The following PCSK5 variants were observed in gnomAD, a reference collection of about 807,000 sequenced individuals.
PCSK5 encodes the protein prohormone convertase 5.
PCSK5 carries 129 observed loss-of-function variants against 233.2 expected under a neutral mutation model. That is an observed-to-expected ratio of 0.55 (90% confidence interval 0.48 to 0.64). The LOEUF (loss-of-function observed/expected upper bound fraction) is 0.64, where lower values mean the gene tolerates loss of function less well. Among genes scored for constraint, PCSK5 ranks in the 30% least tolerant of loss-of-function variants. PCSK5 has a pLI of 0.00. For synonymous variants in PCSK5, 825 were observed against 879.2 expected (o/e 0.94, Z 1.09); for missense variants, 2,076 against 2,430.1 (o/e 0.85, Z 3.06).
intron 34 of PCSK5, among the ~76,000 whole-genome samples, chr9:76,335,426 T>C (rs992012345): frequency 2.6e-5 from 4 of 152,196 alleles, no homozygotes; most frequent in Admixed American, 6.5e-5. Context: ...GGCATAACCC[T>C]TGTATGTTAA....
intron 3 of PCSK5, among the ~76,000 whole-genome samples, chr9:75,997,873 G>A (rs1827089022): frequency 6.6e-6 from 1 of 152,278 alleles, no homozygotes. Flanking sequence ...AATCTTAAAC[G>A]ACTATTTGGA....
intron 24 of PCSK5, among the ~76,000 whole-genome samples, chr9:76,282,278 T>C (rs1827900892): frequency 6.7e-6 from 1 of 149,204 alleles, no homozygotes; most frequent in South Asian, 2.1e-4. Context: ...CCACTGTGCC[T>C]GGCCAATTTT....
Position 76,002,969 on chromosome 9 carries a change from G to A in PCSK5, c.411+16724G>A, listed in dbSNP as rs376237511. On this transcript the variant is annotated intron_variant, in intron 3 of 37. Coordinates refer to ENST00000674117, the MANE Select transcript of PCSK5 (RefSeq NM_001372043.1). Reference sequence around the variant, plus strand: ...CCTTGGTATGCCGAGAAAAATTCTCGTGGGTACACACTTTGCTTTCCATCT... The same window carrying A: ...CCTTGGTATGCCGAGAAAAATTCTCATGGGTACACACTTTGCTTTCCATCT... Among the ~76,000 whole-genome samples the A allele has an allele frequency of 2.2e-4, 33 of 152,306 alleles. No homozygotes were observed. In the South Asian group the frequency reaches 5.0e-3, roughly 23 times the overall value.
At position 76,024,661 on chromosome 9, in the gene PCSK5, A is replaced by G. The variant is rs1309115628; in HGVS notation, c.555+780A>G. Among the ~76,000 whole-genome samples the G allele has an allele frequency of 4.6e-5, 7 of 152,330 alleles. No homozygotes were observed. The South Asian group carries it at 1.2e-3, about 27-fold the overall frequency. ...ATGTATTTGACTAAATACAAATAGC[A>G]TTCATGTAATTGTGAGTGCCGTCTT... On this transcript the variant is annotated intron_variant, in intron 4 of 37. Transcript: ENST00000674117.
chr9:76,049,471 G>A (rs899786526), intron 5 of PCSK5, among the ~76,000 whole-genome samples: 2 of 152,198 alleles, frequency 1.3e-5, no homozygotes, highest in African/African-American at 4.8e-5. Flanking sequence ...AGAAGGGCCC[G>A]CAGTTGCGTG....
intron 2 of PCSK5, among the ~76,000 whole-genome samples, chr9:75,934,018 C>T (rs906771121): frequency 6.6e-6 from 1 of 152,148 alleles, no homozygotes; most frequent in African/African-American, 2.4e-5. Context: ...GAACATGGAG[C>T]TATTTCGATC....
intron 24 of PCSK5, among the ~76,000 whole-genome samples, chr9:76,258,996 G>A (rs940831929): frequency 2.0e-5 from 3 of 152,172 alleles, no homozygotes; most frequent in Non-Finnish European, 2.9e-5. Flanking sequence ...ACCCTAGCAA[G>A]CAACCAGGGA....
At chr9:75,931,546 C>T (rs1343511621) in intron 1 of PCSK5, among the ~76,000 whole-genome samples, 1 of 152,154 alleles carries the variant, frequency 6.6e-6, no homozygotes. Flanking sequence ...CTTCTGTCTT[C>T]AATGCATAGT....
chr9:75,982,749 CT>C (rs528976970), intron 2 of PCSK5, among the ~76,000 whole-genome samples: 253 of 100,748 alleles, frequency 2.5e-3, no homozygotes, highest in South Asian at 6.7e-3. Flanking sequence ...CCCTGTGGTG[CT>C]TTTTTTTTTT....
At chr9:76,035,482 G>A (rs1468501173) in intron 5 of PCSK5, among the ~76,000 whole-genome samples, 1 of 151,998 alleles carries the variant, frequency 6.6e-6, no homozygotes, top group Non-Finnish European at 1.5e-5. Context: ...CTGGATTTGG[G>A]GACTTCAGTT....
chr9:75,893,152 A>G (rs1191190944), intron 1 of PCSK5, among the ~76,000 whole-genome samples: 1 of 152,162 alleles, frequency 6.6e-6, no homozygotes, highest in Non-Finnish European at 1.5e-5. Flanking sequence ...GGGTTCTGCT[A>G]ACATTGAACA....
intron 7 of PCSK5, among the ~76,000 whole-genome samples, chr9:76,076,212 T>C (rs144391294): frequency 6.6e-6 from 1 of 151,904 alleles, no homozygotes; most frequent in African/African-American, 2.4e-5. Flanking sequence ...ACAATACTAA[T>C]GTAGGTGCTG....
intron 10 of PCSK5, among the ~76,000 whole-genome samples, chr9:76,135,917 C>T (rs1048870781): frequency 3.3e-5 from 5 of 152,032 alleles, no homozygotes; most frequent in Non-Finnish European, 7.4e-5. Flanking sequence ...TGCAGCTCTT[C>T]TGAAAACCTC....
chr9:76,153,015 A>G (rs1823737106), intron 10 of PCSK5, among the ~76,000 whole-genome samples: 1 of 152,178 alleles, frequency 6.6e-6, no homozygotes, highest in African/African-American at 2.4e-5. Context: ...GATAGCTTTG[A>G]ATAAAAACTA....
chr9:76,147,037 C>A (rs1226368025), intron 10 of PCSK5, among the ~76,000 whole-genome samples: 1 of 152,112 alleles, frequency 6.6e-6, no homozygotes, highest in Non-Finnish European at 1.5e-5. Flanking sequence ...GTTGTAGGGG[C>A]AGTAGGATTC....
chr9:76,093,580 TATAC>T (rs200604697), intron 7 of PCSK5, among the ~76,000 whole-genome samples: 4 of 144,866 alleles, frequency 2.8e-5, no homozygotes, highest in Non-Finnish European at 1.5e-5. Flanking sequence ...TATATATATA[TATAC>T]ACACACACAC....
chr9:76,086,625 T>C (rs1339626015), intron 7 of PCSK5, among the ~76,000 whole-genome samples: 2 of 152,222 alleles, frequency 1.3e-5, no homozygotes, highest in Non-Finnish European at 2.9e-5. Flanking sequence ...TTTTGTTTTT[T>C]TAATTTTCTC....
At chr9:76,291,073 C>T (rs531064744) in intron 24 of PCSK5, among the ~76,000 whole-genome samples, 4 of 152,324 alleles carry the variant, frequency 2.6e-5, no homozygotes, top group African/African-American at 9.6e-5. Flanking sequence ...AAGCTATTTC[C>T]AGAAGGTTCT....
intron 3 of PCSK5, among the ~76,000 whole-genome samples, chr9:75,996,914 C>G (rs1827047221): frequency 6.7e-6 from 1 of 150,140 alleles, no homozygotes; most frequent in African/African-American, 2.4e-5. Flanking sequence ...CTTGACCTAT[C>G]TTAATCTGTG....
Sources: gnomAD v4.1 joint callset for allele counts (sites outside exome capture counted in the v4.1 genomes callset) on GRCh38, gnomAD v4.1.1 for gene constraint, MANE v1.5 for transcripts, NCBI Gene and HGNC (gene_info 2026-07-23, HGNC 2026-07-21) for gene names.